PIKFYVE: variants seen among roughly 807,000 people sequenced by gnomAD.
PIKFYVE encodes 1-phosphatidylinositol 3-phosphate 5-kinase.
In PIKFYVE, 122 loss-of-function variants were observed where a neutral mutation model predicts 257.9. The observed-to-expected ratio is 0.47, with a 90% confidence interval of 0.41 to 0.55. The LOEUF (loss-of-function observed/expected upper bound fraction) is 0.55. PIKFYVE is among the 20% of genes least tolerant of loss of function. The pLI is 0.00. For synonymous variants in PIKFYVE, 892 were observed against 868.9 expected (o/e 1.03, Z -0.47); for missense variants, 2,160 against 2,536.6 (o/e 0.85, Z 3.19).
In PIKFYVE at chr2:208,356,639, GCAAGACTGT is replaced by G. The variant is rs1389379092; in HGVS notation, c.*1336_*1344del. The G allele has an allele frequency of 6.6e-6, 1 of 152,624 alleles. No homozygotes were observed. Among genetic ancestry groups the G allele is most frequent in the Non-Finnish European group, 1.5e-5 (1 of 68,048 alleles). The allele number at this position is 152,624 out of a possible 1,614,324, so 9.5% of individuals were successfully genotyped here. ...ATTGCATTCCAGCCTGGGCAACAGA[GCAAGACTGT>G]CTCAAAAAACAAAACGAAACAAAAA... On this transcript the variant is annotated 3_prime_UTR_variant, in exon 42 of 42. Coordinates refer to ENST00000264380, the MANE Select transcript of PIKFYVE (RefSeq NM_015040.4).
In PIKFYVE at chr2:208,325,469, C is replaced by T. The variant is rs778332841; in HGVS notation, c.2658C>T (p.Asn886=). 12 of 1,614,144 alleles carry T rather than the reference C, an allele frequency of 7.4e-6. 1 individual carries two copies. In the South Asian group the frequency reaches 8.8e-5, roughly 12 times the overall value. Residue 886 remains asparagine (N), a synonymous_variant, in exon 20 of 42, where the codon AAC becomes AAT. Coordinates refer to ENST00000264380, the MANE Select transcript of PIKFYVE (RefSeq NM_015040.4). ...EFAMPPTLMQ[N]PSFHSLIEGR... ...CTATGCCTCCCACATTAATGCAAAA[C>T]CCTTCATTCCATTCCCTGATTGAGG...
intron 5 of PIKFYVE, among the ~76,000 whole-genome samples, chr2:208,283,526 G>A (rs150693046): frequency 5.7e-4 from 87 of 152,076 alleles, no homozygotes; most frequent in African/African-American, 2.0e-3. Flanking sequence ...AACAAATGAA[G>A]TCTTTGTTGT....
At chr2:208,283,051 C>T (rs1266184460) in intron 5 of PIKFYVE, among the ~76,000 whole-genome samples, 1 of 152,136 alleles carries the variant, frequency 6.6e-6, no homozygotes, top group Non-Finnish European at 1.5e-5. Flanking sequence ...GCTCGCCACT[C>T]ACCTCCTGCT....
At chr2:208,338,698 G>C in intron 29 of PIKFYVE, 130 bp downstream of exon 29, 1 of 819,628 alleles carries the variant, frequency 1.2e-6, no homozygotes, top group Non-Finnish European at 2.1e-6. Flanking sequence ...TTCCTGTAGA[G>C]CACTTGTAAT....
At chr2:208,324,417 C>A in intron 18 of PIKFYVE, 135 bp downstream of exon 18, 1 of 879,888 alleles carries the variant, frequency 1.1e-6, no homozygotes, top group Non-Finnish European at 1.7e-6. Flanking sequence ...GAAGATATGG[C>A]ACCTATTTCA....
intron 20 of PIKFYVE, among the ~76,000 whole-genome samples, chr2:208,327,082 T>C (rs1697015120): frequency 7.2e-5 from 11 of 152,144 alleles, no homozygotes; most frequent in Admixed American, 7.2e-4. Flanking sequence ...CTAAATAATG[T>C]ATGTTCAATT....
chr2:208,320,928 C>G (rs765980601), intron 17 of PIKFYVE, among the ~76,000 whole-genome samples: 1 of 152,146 alleles, frequency 6.6e-6, no homozygotes, highest in Non-Finnish European at 1.5e-5. Context: ...GGCTCTCTCC[C>G]CAGGGAGGCA....
chr2:208,328,102 A>G (rs1697138495), intron 20 of PIKFYVE, 78 bp from the exon 21 acceptor site: 1 of 1,608,074 alleles, frequency 6.2e-7, no homozygotes, highest in Non-Finnish European at 8.5e-7. Flanking sequence ...CTTTACAAAT[A>G]GAGTGGAGTG....
rs893288337 is a variant in PIKFYVE at position 208,314,411 on chromosome 2, T to C, written c.1814T>C (p.Met605Thr). ...GAGGAGAATGGGGAGAAACAAGCCATGGAGAGGTTGCTGTAAGGCAATGAA... is the reference window on the plus strand; with the variant it reads ...GAGGAGAATGGGGAGAAACAAGCCACGGAGAGGTTGCTGTAAGGCAATGAA... The part of the protein sequence containing the change: ...LREENGEKQA[M>T]ERLLSANHNH... The change falls in exon 14 of 42, where the codon ATG (methionine) becomes ACG (threonine). Residue 605 changes from methionine to threonine, a missense_variant. Met to Thr is a moderately conservative substitution (Grantham distance 81, BLOSUM62 -1). Coordinates refer to ENST00000264380, the MANE Select transcript of PIKFYVE (RefSeq NM_015040.4). 6.8e-6 allele frequency: 11 copies of C among 1,613,740 alleles called. No homozygotes were observed. The South Asian group carries it at 9.9e-5, about 14-fold the overall frequency.
At chr2:208,276,673 G>A in intron 3 of PIKFYVE, 39 bp from the exon 4 acceptor site, 2 of 1,402,370 alleles carry the variant, frequency 1.4e-6, no homozygotes. Flanking sequence ...AGATACTAGG[G>A]ACTGTTAACA....
rs1391463389 is a variant in PIKFYVE, at chr2:208,330,650, C to T, written c.3919C>T (p.Gln1307Ter). The T allele has an allele frequency of 6.2e-7, 1 of 1,613,920 alleles. No individual in the cohort carries two copies. Among genetic ancestry groups the T allele is most frequent in the Non-Finnish European group, 8.5e-7 (1 of 1,179,948 alleles). ...GTTGGATTCTCCAGTACCTGGATAT[C>T]AGCATACAATTCTTACATATTCCTG... The part of the protein sequence containing the change: ...KELDSPVPGY[Q>*]HTILTYSWCR... The change falls in exon 23 of 42, where the codon CAG becomes TAG. Residue 1307 changes from glutamine to a stop codon, truncating the protein, a stop_gained. Coordinates refer to ENST00000264380, the MANE Select transcript of PIKFYVE (RefSeq NM_015040.4). LOFTEE classifies it high-confidence loss of function.
At chr2:208,301,252 A>T (rs1341175237) in intron 9 of PIKFYVE, among the ~76,000 whole-genome samples, 158 bp downstream of exon 9, 1 of 152,192 alleles carries the variant, frequency 6.6e-6, no homozygotes, top group South Asian at 2.1e-4. Flanking sequence ...CCCTCCTCCA[A>T]TCTGAGTTTT....
chr2:208,302,121 C>A, intron 9 of PIKFYVE, 121 bp from the exon 10 acceptor site: 1 of 795,600 alleles, frequency 1.3e-6, no homozygotes, highest in East Asian at 2.7e-5. Context: ...TATCCAAGGG[C>A]CATTTGAAAT....
At chr2:208,328,132 G>A (rs1231890600) in intron 20 of PIKFYVE, 48 bp from the exon 21 acceptor site, 2 of 1,612,030 alleles carry the variant, frequency 1.2e-6, no homozygotes, top group South Asian at 1.1e-5. Flanking sequence ...CATTGGGGTT[G>A]AATGCGGTTG....
chr2:208,322,406 A>G (rs1574623648), intron 17 of PIKFYVE, among the ~76,000 whole-genome samples: 1 of 149,968 alleles, frequency 6.7e-6, no homozygotes, highest in African/African-American at 2.4e-5. Context: ...AAACTTAGAA[A>G]TTGCTTTTAT....
At chr2:208,311,031 C>T (rs919102668) in intron 12 of PIKFYVE, among the ~76,000 whole-genome samples, 3 of 151,986 alleles carry the variant, frequency 2.0e-5, no homozygotes, top group Admixed American at 6.6e-5. Context: ...TTTGAATGAT[C>T]GGGGGGAAGA....
rs768190167 is a variant in PIKFYVE, at chr2:208,325,922, A to G, written c.3111A>G (p.Lys1037=). ...VTEEVTSSED[K]RKTYSLAFKQ... ...AGGAAGTCACCTCCTCTGAAGATAAACGAAAGACTTATTCTTTGGCCTTTA... is the reference window on the plus strand; with the variant it reads ...AGGAAGTCACCTCCTCTGAAGATAAGCGAAAGACTTATTCTTTGGCCTTTA... Residue 1037 remains lysine (K), a synonymous_variant, in exon 20 of 42, where the codon AAA becomes AAG. Transcript: ENST00000264380. The G allele has an allele frequency of 8.1e-6, 13 of 1,614,124 alleles. No individual in the cohort carries two copies. Among genetic ancestry groups the G allele is most frequent in the Non-Finnish European group, 1.0e-5 (12 of 1,179,972 alleles).
chr2:208,281,414 C>G (rs1166460668), intron 5 of PIKFYVE, among the ~76,000 whole-genome samples: 3 of 152,276 alleles, frequency 2.0e-5, no homozygotes, highest in East Asian at 1.9e-4. Flanking sequence ...CCACTATTAT[C>G]CCATACCTTC....
Position 208,276,703 on chromosome 2 carries a change from C to A in PIKFYVE, c.323-9C>A. ...TTAACAAGGTTGCTTTTTTTTTAATCCAACTCAGACACAAGAAGGAAAGCA... is the reference window on the plus strand; with the variant it reads ...TTAACAAGGTTGCTTTTTTTTTAATACAACTCAGACACAAGAAGGAAAGCA... On this transcript the variant is annotated splice_polypyrimidine_tract_variant and intron_variant, in intron 3 of 41. Coordinates refer to ENST00000264380, the MANE Select transcript of PIKFYVE (RefSeq NM_015040.4). 1.2e-6 allele frequency: 2 copies of A among 1,606,292 alleles called. No individual in the cohort carries two copies. The highest frequency in any genetic ancestry group is 1.7e-6 in the Non-Finnish European group (2 of 1,173,286).
Sources: allele counts gnomAD v4.1 joint callset (sites outside exome capture counted in the v4.1 genomes callset), GRCh38; gene constraint gnomAD v4.1.1; transcripts MANE v1.5; gene names NCBI Gene and HGNC (gene_info 2026-07-23, HGNC 2026-07-21).